Variants in GSTM4 observed in about 807,000 individuals in gnomAD.
GSTM4 encodes glutathione S-transferase mu 4.
Under a neutral mutation model 30.1 loss-of-function variants are expected in GSTM4, and 27 were observed. That is an observed-to-expected ratio of 0.90 (90% CI 0.66 to 1.24). The LOEUF is 1.24. Ranked by LOEUF, GSTM4 falls within the 50% of genes most tolerant of loss-of-function variation. The pLI, the probability that GSTM4 is intolerant of heterozygous loss-of-function variation, is 0.00. For missense variants in GSTM4, 238 were observed against 272.1 expected (o/e 0.87, Z 0.88); for synonymous variants, 94 against 96.2 (o/e 0.98, Z 0.13).
rs1212112254 is a variant in GSTM4, at chr1:109,661,185, C to T, written c.588C>T (p.Ala196=). 6.2e-7 allele frequency: 1 copy of T among 1,612,234 alleles called. No individual in the cohort carries two copies. The highest frequency in any genetic ancestry group is 8.5e-7 in the Non-Finnish European group (1 of 1,179,670). Residue 196 remains alanine (A), a synonymous_variant, in exon 8 of 8, where the codon GCC becomes GCT. Coordinates refer to ENST00000369836, the MANE Select transcript of GSTM4 (RefSeq NM_000850.5). The stretch of plus-strand genomic sequence containing the variant: ...CTCAGGGCTTGGAGAAGATCTCTGC[C>T]TACATGAAGTCCAGCCGCTTCCTCC... ...SRFEGLEKIS[A]YMKSSRFLPK...
chr1:109,658,654 G>A (rs1652148108), intron 5 of GSTM4, 160 bp from the exon 6 acceptor site: 1 of 656,620 alleles, frequency 1.5e-6, no homozygotes, highest in East Asian at 2.6e-5. Context: ...TACCCATTTG[G>A]AGTGTAATAA....
Position 109,661,618 on chromosome 1 carries a change from A to T in GSTM4, c.*364A>T. On this transcript the variant is annotated 3_prime_UTR_variant, in exon 8 of 8. Transcript: ENST00000369836. ...CTGAGCTGTCCCCGTGTTGCATGAC[A>T]GCATTGACTGGTTTACAGGCCCTGC... is the stretch of plus-strand genomic sequence containing the variant. The T allele has an allele frequency of 2.5e-6, 3 of 1,204,472 alleles. No individual in the cohort carries two copies. Among genetic ancestry groups the T allele is most frequent in the Non-Finnish European group, 2.1e-6 (2 of 962,438 alleles). The allele number at this position is 1,204,472 out of a possible 1,614,324, so 74.6% of individuals were successfully genotyped here.
In GSTM4 at chr1:109,657,794, G is replaced by T. The variant is rs200306410; in HGVS notation, c.282G>T (p.Lys94Asn). The T allele has an allele frequency of 1.5e-5, 24 of 1,614,202 alleles. No individual in the cohort carries two copies. Among genetic ancestry groups the T allele is most frequent in the Non-Finnish European group, 1.9e-5 (22 of 1,180,040 alleles). The change falls in exon 5 of 8, where the codon AAG becomes AAT. Residue 94 changes from lysine (K) to asparagine (N), a missense_variant. Physicochemically the swap from Lys to Asn is moderately conservative, Grantham distance 94. Transcript: ENST00000369836. ...HNLCGETEEE[K>N]IRVDILENQA... ...CAGGTGGGGAGACAGAAGAGGAGAA[G>T]ATTCGTGTGGACATTTTGGAGAACC...
In GSTM4 at chr1:109,658,921, A is replaced by T. The variant is rs563826385; in HGVS notation, c.456+12A>T. On this transcript the variant is annotated intron_variant, in intron 6 of 7. Coordinates refer to ENST00000369836, the MANE Select transcript of GSTM4 (RefSeq NM_000850.5). ...TTGTTGGAGACAAGGTAATGGGGGC[A>T]TGTGATGAGGACACTAGAGATTTGC... The T allele has an allele frequency of 1.2e-6, 2 of 1,611,912 alleles. No individual in the cohort carries two copies. The highest frequency in any genetic ancestry group is 2.2e-5 in the East Asian group (1 of 44,874).
downstream of GSTM4, among the ~76,000 whole-genome samples, chr1:109,667,460 T>A (rs1482302899): frequency 1.3e-5 from 2 of 152,250 alleles, no homozygotes; most frequent in African/African-American, 2.4e-5. Context: ...CCCACCTTTC[T>A]GTCTCTCTTC....
At chr1:109,664,959 C>A (rs199680432), downstream of GSTM4, 1,107 of 1,606,558 alleles carry the variant, frequency 6.9e-4, 3 homozygotes, top group Non-Finnish European at 8.3e-4. Context: ...TTGTGGCAGT[C>A]AAGACCTTCT....
chr1:109,659,837 G>C (rs893553980), intron 7 of GSTM4: 4 of 619,366 alleles, frequency 6.5e-6, no homozygotes, highest in African/African-American at 5.6e-5. Context: ...TGATTTTACT[G>C]CTATTCACCG....
At chr1:109,658,239 T>C (rs1652127088) in intron 5 of GSTM4, 2 of 278,520 alleles carry the variant, frequency 7.2e-6, no homozygotes, top group African/African-American at 4.3e-5. Flanking sequence ...TGGGATGTAA[T>C]AGCACCCTCC....
chr1:109,664,575 G>A (rs1647237276), downstream of GSTM4, among the ~76,000 whole-genome samples: 1 of 151,622 alleles, frequency 6.6e-6, no homozygotes, highest in Admixed American at 6.6e-5. Context: ...GGCCAGGCTG[G>A]TCTCGAACTC....
downstream of GSTM4, among the ~76,000 whole-genome samples, chr1:109,663,686 A>G (rs1287066539): frequency 6.6e-6 from 1 of 152,090 alleles, no homozygotes; most frequent in African/African-American, 2.4e-5. Context: ...AAAAAAAAGC[A>G]TGCATTAAGG....
downstream of GSTM4, among the ~76,000 whole-genome samples, chr1:109,663,101 A>T (rs1298479531): frequency 6.6e-6 from 1 of 152,222 alleles, no homozygotes; most frequent in Non-Finnish European, 1.5e-5. Flanking sequence ...GTCTCACAGA[A>T]GTGTTGAGTA....
downstream of GSTM4, chr1:109,664,994 T>G (rs369877581): frequency 6.2e-6 from 10 of 1,611,512 alleles, no homozygotes; most frequent in Non-Finnish European, 8.5e-6. Context: ...ATGTAATTAA[T>G]TATGATTCTG....
chr1:109,662,672 A>C (rs1388214691), downstream of GSTM4, among the ~76,000 whole-genome samples: 3 of 152,250 alleles, frequency 2.0e-5, no homozygotes, highest in Non-Finnish European at 4.4e-5. Context: ...CATTATTAGA[A>C]AGCAGAAAGT....
rs1652123784 is a variant in GSTM4, at chr1:109,658,172, C to A, written c.360+300C>A. ...GGCCATCTAACCCAGCTGGTTCATG[C>A]CATCTGCCTGTTCGGGGAATACGCA... On this transcript the variant is annotated intron_variant, in intron 5 of 7. Transcript: ENST00000369836. The A allele has an allele frequency of 2.4e-5, 10 of 424,862 alleles. No individual in the cohort carries two copies. In the South Asian group the frequency reaches 2.6e-4, roughly 11 times the overall value. The allele number at this position is 424,862 out of a possible 1,614,324, so 26.3% of individuals were successfully genotyped here. A position where few individuals can be genotyped will look rare whatever the true frequency, so the allele number is the denominator to read the frequency against.
At chr1:109,662,523 T>C (rs557376030), downstream of GSTM4, among the ~76,000 whole-genome samples, 102 of 152,342 alleles carry the variant, frequency 6.7e-4, no homozygotes, top group African/African-American at 2.2e-3. Flanking sequence ...GGAGAACTTA[T>C]TACAAATCAA....
At chr1:109,662,121 C>T (rs996728172), downstream of GSTM4, among the ~76,000 whole-genome samples, 2 of 152,236 alleles carry the variant, frequency 1.3e-5, no homozygotes, top group Non-Finnish European at 2.9e-5. Context: ...GCCACCATGC[C>T]TGGCCCTGTT....
chr1:109,656,381 A>G lies in GSTM4; in HGVS notation c.-9A>G, dbSNP rs779145261. 1.9e-6 allele frequency: 3 copies of G among 1,612,930 alleles called. No individual in the cohort carries two copies. Among genetic ancestry groups the G allele is most frequent in the Non-Finnish European group, 2.5e-6 (3 of 1,179,146 alleles). ...AGGCCTGTCTGCAGAATCGACACCAACCAGCATCATGTCCATGACACTGGG... is the reference window on the plus strand; with the variant it reads ...AGGCCTGTCTGCAGAATCGACACCAGCCAGCATCATGTCCATGACACTGGG... On this transcript the variant is annotated 5_prime_UTR_variant, in exon 1 of 8. Coordinates refer to ENST00000369836, the MANE Select transcript of GSTM4 (RefSeq NM_000850.5).
downstream of GSTM4, among the ~76,000 whole-genome samples, chr1:109,666,327 G>A (rs1298994257): frequency 6.6e-6 from 1 of 152,166 alleles, no homozygotes; most frequent in East Asian, 1.9e-4. Context: ...TCAAAAATAA[G>A]TTCAGTTCAT....
chr1:109,663,660 C>A (rs1652378707), downstream of GSTM4, among the ~76,000 whole-genome samples: 1 of 151,670 alleles, frequency 6.6e-6, no homozygotes, highest in Non-Finnish European at 1.5e-5. Context: ...GAGCAAGACT[C>A]CGTCTCAAAA....
Sources: allele counts gnomAD v4.1 joint callset (sites outside exome capture counted in the v4.1 genomes callset), GRCh38; gene constraint gnomAD v4.1.1; transcripts MANE v1.5; gene names NCBI Gene and HGNC (gene_info 2026-07-23, HGNC 2026-07-21).